The following CUX1 variants were observed in gnomAD, a reference collection of about 807,000 sequenced individuals.
CUX1 encodes cut like homeobox 1.
In CUX1, 31 loss-of-function variants were observed where a neutral mutation model predicts 158.8. The observed-to-expected ratio is 0.20, with a 90% CI of 0.15 to 0.26. The LOEUF (loss-of-function observed/expected upper bound fraction) is 0.26. Ranked by LOEUF, CUX1 falls within the 10% of genes least tolerant of loss-of-function variation. The pLI is 1.00. For synonymous variants in CUX1, 879 were observed against 862.1 expected (o/e 1.02, Z -0.34); for missense variants, 1,589 against 2,014.6 (o/e 0.79, Z 4.04).
At chr7:102,172,806 A>G (rs1791878604) in intron 10 of CUX1, among the ~76,000 whole-genome samples, 1 of 152,216 alleles carries the variant, frequency 6.6e-6, no homozygotes, top group Admixed American at 6.5e-5. Context: ...TCACACCTGT[A>G]ATCCCAGCCC....
chr7:102,092,946 G>GA (rs1395436916), intron 4 of CUX1, among the ~76,000 whole-genome samples: 1 of 139,232 alleles, frequency 7.2e-6, no homozygotes, highest in Admixed American at 7.1e-5. Context: ...AGAAAGAAAA[G>GA]AAAAAAAGAG....
intron 1 of CUX1, among the ~76,000 whole-genome samples, chr7:101,910,229 C>T (rs1291031058): frequency 6.6e-6 from 1 of 152,160 alleles, no homozygotes; most frequent in African/African-American, 2.4e-5. Context: ...TCACTGCAGC[C>T]TTGACCTCCT....
intron 1 of CUX1, among the ~76,000 whole-genome samples, chr7:101,839,526 G>T (rs1468413703): frequency 6.6e-6 from 1 of 152,208 alleles, no homozygotes; most frequent in African/African-American, 2.4e-5. Context: ...TTTTTTGCCA[G>T]TGAGATGGTT....
chr7:102,196,148 T>C (rs1192835635), intron 14 of CUX1, among the ~76,000 whole-genome samples: 1 of 152,228 alleles, frequency 6.6e-6, no homozygotes, highest in Non-Finnish European at 1.5e-5. Flanking sequence ...TGTCTCGGGC[T>C]CTAATGGTAT....
At position 102,250,075 on chromosome 7, in the gene CUX1, G is replaced by GAAAA; in HGVS notation, c.*1034_*1037dup. 1.0e-6 allele frequency: 1 copy of GAAAA among 973,794 alleles called. No homozygotes were observed. The highest frequency in any genetic ancestry group is 4.8e-5 in the South Asian group (1 of 21,024). 60.3% of individuals were successfully genotyped at this position (973,794 alleles called of 1,614,324 possible). A position where few individuals can be genotyped will look rare whatever the true frequency, so the allele number is the denominator to read the frequency against. ...AAGAAAAAAAAAGAAAAAAAAAAAA[G>GAAAA]AAAAGATCCGAATCTAGGTATTTTA... On this transcript the variant is annotated 3_prime_UTR_variant, in exon 24 of 24. Coordinates refer to ENST00000292535, the MANE Select transcript of CUX1 (RefSeq NM_181552.4).
intron 2 of CUX1, among the ~76,000 whole-genome samples, chr7:101,927,147 AACAC>A (rs10584842): frequency 0.37 from 54,771 of 149,136 alleles, 9,920 homozygotes; most frequent in East Asian, 0.5. Context: ...CTGTCAACAC[AACAC>A]ACACACACAC....
intron 2 of CUX1, among the ~76,000 whole-genome samples, chr7:101,987,340 C>T (rs1183968949): frequency 2.6e-5 from 4 of 152,110 alleles, no homozygotes; most frequent in African/African-American, 9.7e-5. Context: ...GCATATGGAC[C>T]GCTGCTCACT....
At chr7:101,846,270 C>T (rs1024155015) in intron 1 of CUX1, among the ~76,000 whole-genome samples, 2 of 152,102 alleles carry the variant, frequency 1.3e-5, no homozygotes, top group East Asian at 1.9e-4. Flanking sequence ...ATAGTCTGTG[C>T]ATAAACAGGG....
chr7:101,938,363 T>C (rs577537881), intron 2 of CUX1, among the ~76,000 whole-genome samples: 6 of 152,224 alleles, frequency 3.9e-5, no homozygotes, highest in African/African-American at 1.4e-4. Context: ...TGTGTCAGCC[T>C]CCCAAAGTGC....
At chr7:101,839,629 A>G (rs1310388638) in intron 1 of CUX1, among the ~76,000 whole-genome samples, 2 of 150,200 alleles carry the variant, frequency 1.3e-5, no homozygotes, top group Admixed American at 6.6e-5. Context: ...TCAGCTTTTC[A>G]GATTTCGCCT....
intron 8 of CUX1, chr7:102,154,605 T>G (rs549178691): frequency 7.9e-6 from 1 of 126,216 alleles, no homozygotes; most frequent in Admixed American, 7.6e-5. Context: ...TGTCTCCAAA[T>G]AAATAAATAA....
chr7:102,281,909 C>T (rs782296889), exon 21 of CUX1: 6 of 1,610,512 alleles, frequency 3.7e-6, no homozygotes, highest in South Asian at 3.3e-5. Context: ...CCTGCACTGC[C>T]TGGTCTTCCT....
rs55753644 is a variant in CUX1 at position 102,046,569 on chromosome 7, A to ATTTTTTTTTTTT, written c.189+18440_189+18451dup. ...CCTGTTCTGTTTTGGTTTGGTTTGG[A>ATTTTTTTTTTTT]TTTTTTTTTTTTTTTTTTTTTTTTT... On this transcript the variant is annotated intron_variant, in intron 3 of 23. Coordinates refer to ENST00000292535, the MANE Select transcript of CUX1 (RefSeq NM_181552.4). Among the ~76,000 whole-genome samples, 112 of 55,478 alleles carry ATTTTTTTTTTTT rather than the reference A, an allele frequency of 2.0e-3. 14 individuals carry two copies. The highest frequency in any genetic ancestry group is 7.6e-3 in the African/African-American group (93 of 12,214). The allele number at this position is 55,478 out of a possible 152,430, so 36.4% of individuals were successfully genotyped here.
intron 2 of CUX1, among the ~76,000 whole-genome samples, chr7:101,933,763 T>C (rs1247991577): frequency 6.6e-6 from 1 of 152,222 alleles, no homozygotes; most frequent in East Asian, 1.9e-4. Context: ...AGCAGTGTTC[T>C]TGGTTTGTTC....
At chr7:102,004,569 C>T (rs1817090297) in intron 2 of CUX1, among the ~76,000 whole-genome samples, 1 of 151,980 alleles carries the variant, frequency 6.6e-6, no homozygotes, top group Non-Finnish European at 1.5e-5. Context: ...ATTCCTATCT[C>T]ACATCTCAGT....
At chr7:101,827,259 T>TCTTCC (rs1793423659) in intron 1 of CUX1, among the ~76,000 whole-genome samples, 1 of 145,096 alleles carries the variant, frequency 6.9e-6, no homozygotes, top group Non-Finnish European at 1.5e-5. Context: ...TCTTCTCTTC[T>TCTTCC]CTTCTCTTCT....
At chr7:102,161,871 G>A (rs1268816546) in intron 9 of CUX1, among the ~76,000 whole-genome samples, 2 of 152,154 alleles carry the variant, frequency 1.3e-5, no homozygotes, top group Non-Finnish European at 2.9e-5. Context: ...GCCTCCCTAA[G>A]TGCTGGGGTT....
chr7:102,002,454 T>C (rs1816790127), intron 2 of CUX1, among the ~76,000 whole-genome samples: 1 of 152,226 alleles, frequency 6.6e-6, no homozygotes, highest in Admixed American at 6.5e-5. Context: ...TCCATAGTGC[T>C]TTTCACCCTG....
Position 102,201,025 on chromosome 7 carries a change from TAAAAAAAAAAAAAAAA to T in CUX1, c.2063-321_2063-306del, listed in dbSNP as rs78359248. Among the ~76,000 whole-genome samples, 1 of 42,144 alleles carries T rather than the reference TAAAAAAAAAAAAAAAA, an allele frequency of 2.4e-5. No homozygotes were observed. Among genetic ancestry groups the T allele is most frequent in the Admixed American group, 3.5e-4 (1 of 2,828 alleles). The allele number at this position is 42,144 out of a possible 152,430, so 27.6% of individuals were successfully genotyped here. A position where few individuals can be genotyped will look rare whatever the true frequency, so the allele number is the denominator to read the frequency against. On this transcript the variant is annotated intron_variant, in intron 17 of 23. Transcript: ENST00000292535. The surrounding 1 kb of genome is among the most constrained non-coding windows in gnomAD (Gnocchi z 5.0). ...CTGGACAACAGCGAGATCCTGTCGC[TAAAAAAAAAAAAAAAA>T]AAAAAAAAAAAAATTCTCGGGGAAA...
Sources: gnomAD v4.1 joint callset for allele counts (sites outside exome capture counted in the v4.1 genomes callset) on GRCh38, gnomAD v4.1.1 for gene constraint, Gnocchi (gnomAD v3.1) non-coding constraint, MANE v1.5 for transcripts, NCBI Gene and HGNC (gene_info 2026-07-23, HGNC 2026-07-21) for gene names.